SPOCK1: variants seen among roughly 807,000 people sequenced by gnomAD.
SPOCK1 encodes SPARC (osteonectin), cwcv and kazal like domains proteoglycan 1.
Under a neutral mutation model 55.3 loss-of-function variants are expected in SPOCK1, and 23 were observed. The ratio of observed to expected loss-of-function variants is 0.42; its 90% CI spans 0.30 to 0.59. The LOEUF is 0.59. SPOCK1 is among the 20% of genes least tolerant of loss of function. The pLI is 0.22. For synonymous variants in SPOCK1, 226 were observed against 221.0 expected (o/e 1.02, Z -0.20); for missense variants, 499 against 552.5 (o/e 0.90, Z 0.97).
intron 2 of SPOCK1, among the ~76,000 whole-genome samples, chr5:137,298,786 A>T (rs1757536073): frequency 6.6e-6 from 1 of 152,116 alleles, no homozygotes; most frequent in South Asian, 2.1e-4. Flanking sequence ...AAGGTCTATT[A>T]TCTGATATTA....
At chr5:137,332,233 A>T (rs1758200849) in intron 2 of SPOCK1, among the ~76,000 whole-genome samples, 1 of 151,268 alleles carries the variant, frequency 6.6e-6, no homozygotes, top group Non-Finnish European at 1.5e-5. Flanking sequence ...AGCCCTCTTC[A>T]CAAGACTGTG....
In SPOCK1 at chr5:137,267,872, C is replaced by G. The variant is rs1489570321; in HGVS notation, c.187-817G>C. On this transcript the variant is annotated intron_variant, in intron 2 of 10. Transcript: ENST00000394945. ...CACCCACTGTATCAGCAAAACTGAA[C>G]AGTTTGCAAGTTGAAGAGGTGTCAC... is the stretch of plus-strand genomic sequence containing the variant. 5.9e-5 allele frequency among the ~76,000 whole-genome samples: 9 copies of G among 152,324 alleles called. No homozygotes were observed. The East Asian group carries it at 1.5e-3, about 26-fold the overall frequency.
chr5:137,212,987 A>ACT (rs1755646473), intron 3 of SPOCK1, among the ~76,000 whole-genome samples: 1 of 152,186 alleles, frequency 6.6e-6, no homozygotes, highest in Non-Finnish European at 1.5e-5. Flanking sequence ...AGGGGAGGTC[A>ACT]AGGCCATGAG....
Position 136,977,766 on chromosome 5 carries a change from G to GTAAC in SPOCK1, c.*884_*887dup. 2.5e-6 allele frequency: 1 copy of GTAAC among 398,974 alleles called. No homozygotes were observed. Among genetic ancestry groups the GTAAC allele is most frequent in the Non-Finnish European group, 4.4e-6 (1 of 226,048 alleles). The allele number at this position is 398,974 out of a possible 1,614,324, so 24.7% of individuals were successfully genotyped here. On this transcript the variant is annotated 3_prime_UTR_variant, in exon 11 of 11. Coordinates refer to ENST00000394945, the MANE Select transcript of SPOCK1 (RefSeq NM_004598.4). Reference sequence around the variant, plus strand: ...GTTTTTTCTCAATCAGAGGCTTTCAGTAACTCTGCTGATGCACAGAGAAGA... The same window carrying GTAAC: ...GTTTTTTCTCAATCAGAGGCTTTCAGTAACTAACTCTGCTGATGCACAGAGAAGA...
intron 2 of SPOCK1, among the ~76,000 whole-genome samples, chr5:137,301,658 G>A (rs1757592497): frequency 1.3e-5 from 1 of 78,558 alleles, no homozygotes; most frequent in Non-Finnish European, 2.4e-5. Flanking sequence ...TTTTTTTTGA[G>A]TATGTTCTCA....
chr5:137,308,464 C>G (rs1174273102), intron 2 of SPOCK1, among the ~76,000 whole-genome samples: 3 of 152,248 alleles, frequency 2.0e-5, no homozygotes, highest in South Asian at 2.1e-4. Flanking sequence ...TTCTCCCCAG[C>G]TTCCCCTGCT....
chr5:137,374,995 TCTC>T (rs1751282651), intron 2 of SPOCK1, among the ~76,000 whole-genome samples: 1 of 152,090 alleles, frequency 6.6e-6, no homozygotes, highest in Non-Finnish European at 1.5e-5. Context: ...CTCTCCCCCA[TCTC>T]AGTTGCAGCC....
rs182139322 is a variant in SPOCK1, at chr5:137,224,449, G to A, written c.232+42561C>T. 6.9e-4 allele frequency among the ~76,000 whole-genome samples: 105 copies of A among 152,280 alleles called. 1 individual carries two copies. Among genetic ancestry groups the A allele is most frequent in the Middle Eastern group, 6.8e-3 (2 of 294 alleles). ...AGTTGGGGTCCATAAGGAGAAAACAGCCAAACAGAAATCCTTAAAGAATGT... is the reference window on the plus strand; with the variant it reads ...AGTTGGGGTCCATAAGGAGAAAACAACCAAACAGAAATCCTTAAAGAATGT... On this transcript the variant is annotated intron_variant, in intron 3 of 10. Coordinates refer to ENST00000394945, the MANE Select transcript of SPOCK1 (RefSeq NM_004598.4).
chr5:137,335,717 G>T (rs1750256816), intron 2 of SPOCK1, among the ~76,000 whole-genome samples: 2 of 152,210 alleles, frequency 1.3e-5, no homozygotes, highest in South Asian at 4.1e-4. Context: ...CCCAGAAAGG[G>T]TCAGGCCTTG....
At position 137,498,300 on chromosome 5, in the gene SPOCK1, A is replaced by C. The variant is rs868253121; in HGVS notation, c.186+73T>G. On this transcript the variant is annotated intron_variant, in intron 2 of 10. Coordinates refer to ENST00000394945, the MANE Select transcript of SPOCK1 (RefSeq NM_004598.4). ...CACACACACACACACACACACACACACCCCAACCCCGCTTCAGGGGTCCCC... is the reference window on the plus strand; with the variant it reads ...CACACACACACACACACACACACACCCCCCAACCCCGCTTCAGGGGTCCCC... 227 of 1,273,802 alleles carry C rather than the reference A, an allele frequency of 1.8e-4. 2 individuals carry two copies. Among genetic ancestry groups the C allele is most frequent in the Middle Eastern group, 7.3e-4 (3 of 4,126 alleles). The allele number at this position is 1,273,802 out of a possible 1,614,324, so 78.9% of individuals were successfully genotyped here.
chr5:137,385,863 C>G (rs897364068), intron 2 of SPOCK1, among the ~76,000 whole-genome samples: 2 of 152,164 alleles, frequency 1.3e-5, no homozygotes, highest in African/African-American at 4.8e-5. Flanking sequence ...TGTCAAGGGC[C>G]AGATAGTAAA....
chr5:137,479,251 T>A (rs1753899585), intron 2 of SPOCK1, among the ~76,000 whole-genome samples: 2 of 152,090 alleles, frequency 1.3e-5, no homozygotes, highest in African/African-American at 2.4e-5. Flanking sequence ...CTAGCCAAAT[T>A]GAGAGAAGAT....
intron 7 of SPOCK1, among the ~76,000 whole-genome samples, chr5:136,989,336 T>TAAC (rs1403979286): frequency 2.0e-5 from 3 of 152,194 alleles, no homozygotes; most frequent in African/African-American, 7.2e-5. Context: ...ACTAAAATAA[T>TAAC]AACACTTAGC....
At chr5:137,160,467 A>G (rs1754507434) in intron 3 of SPOCK1, among the ~76,000 whole-genome samples, 1 of 115,342 alleles carries the variant, frequency 8.7e-6, no homozygotes, top group Non-Finnish European at 1.7e-5. Context: ...GACATAGAAC[A>G]TGTCAGTTGA....
chr5:137,119,788 G>A (rs914371945), intron 4 of SPOCK1, among the ~76,000 whole-genome samples: 3 of 152,188 alleles, frequency 2.0e-5, no homozygotes, highest in African/African-American at 4.8e-5. Flanking sequence ...CATTTACTGA[G>A]CTGCCTTATA....
intron 2 of SPOCK1, among the ~76,000 whole-genome samples, chr5:137,339,313 T>C (rs1305299962): frequency 6.6e-6 from 1 of 152,260 alleles, no homozygotes; most frequent in Non-Finnish European, 1.5e-5. Context: ...TGCATTTTCC[T>C]GGCCAAGGTG....
chr5:137,417,098 T>A (rs1580914197), intron 2 of SPOCK1, among the ~76,000 whole-genome samples: 1 of 152,216 alleles, frequency 6.6e-6, no homozygotes, highest in East Asian at 1.9e-4. Context: ...TGCACATGTG[T>A]GTATATAAAA....
At chr5:137,348,318 T>C (rs1433971432) in intron 2 of SPOCK1, among the ~76,000 whole-genome samples, 1 of 152,218 alleles carries the variant, frequency 6.6e-6, no homozygotes, top group Non-Finnish European at 1.5e-5. Flanking sequence ...AAATCAGACC[T>C]GACTGACAAA....
chr5:137,085,203 C>T (rs1752942136), intron 5 of SPOCK1, among the ~76,000 whole-genome samples: 1 of 152,124 alleles, frequency 6.6e-6, no homozygotes, highest in Non-Finnish European at 1.5e-5. Flanking sequence ...GGAGATGCCC[C>T]ACCTGGCCCA....
Sources: gnomAD v4.1 joint callset for allele counts (sites outside exome capture counted in the v4.1 genomes callset) on GRCh38, gnomAD v4.1.1 for gene constraint, MANE v1.5 for transcripts, NCBI Gene and HGNC (gene_info 2026-07-23, HGNC 2026-07-21) for gene names.